The following ADAMDEC1 variants were observed in gnomAD, a reference collection of about 807,000 sequenced individuals.
ADAMDEC1 encodes the protein ADAM like decysin 1.
ADAMDEC1 carries 62 observed loss-of-function variants against 60.4 expected under a neutral mutation model. The observed-to-expected ratio is 1.03, with a 90% CI of 0.84 to 1.27. The LOEUF is 1.27. Among genes scored for constraint, ADAMDEC1 ranks in the 50% most tolerant of loss-of-function variants. The pLI, the probability that ADAMDEC1 is intolerant of heterozygous loss-of-function variation, is 0.00. For missense variants in ADAMDEC1, 595 were observed against 565.0 expected (o/e 1.05, Z -0.54); for synonymous variants, 210 against 195.1 (o/e 1.08, Z -0.64).
intron 1 of ADAMDEC1, among the ~76,000 whole-genome samples, chr8:24,389,133 A>G (rs143674649): frequency 0.012 from 1,795 of 152,298 alleles, 12 homozygotes; most frequent in Non-Finnish European, 0.018. Context: ...ATCCCAGAAC[A>G]GGGATTAATC....
intron 4 of ADAMDEC1, among the ~76,000 whole-genome samples, 179 bp downstream of exon 4, chr8:24,394,326 AC>A (rs1211725413): frequency 6.6e-6 from 1 of 152,218 alleles, no homozygotes; most frequent in East Asian, 1.9e-4. Flanking sequence ...CAATGAGACA[AC>A]AGTTTGGAAA....
rs776221405 is a variant in ADAMDEC1, at chr8:24,398,456, T to C, written c.691-24T>C. On this transcript the variant is annotated intron_variant, in intron 7 of 13. Coordinates refer to ENST00000256412, the MANE Select transcript of ADAMDEC1 (RefSeq NM_014479.3). ...CTCAGTGTAATCTGCTATTTCACTA[T>C]ACTTTGTGTTTTGTATTTTACAGTA... 4.2e-6 allele frequency: 6 copies of C among 1,414,780 alleles called. No individual in the cohort carries two copies. In the Admixed American group the frequency reaches 7.8e-5, roughly 18 times the overall value. 87.6% of individuals were successfully genotyped at this position (1,414,780 alleles called of 1,614,324 possible). A position where few individuals can be genotyped will look rare whatever the true frequency, so the allele number is the denominator to read the frequency against.
At chr8:24,395,088 C>A (rs183637976) in intron 4 of ADAMDEC1, among the ~76,000 whole-genome samples, 53 of 152,300 alleles carry the variant, frequency 3.5e-4, no homozygotes, top group Admixed American at 1.4e-3. Flanking sequence ...TGTGGGCCAA[C>A]AATCATGTCT....
At chr8:24,402,254 G>A (rs574232037) in intron 12 of ADAMDEC1, among the ~76,000 whole-genome samples, 162 bp downstream of exon 12, 1 of 152,236 alleles carries the variant, frequency 6.6e-6, no homozygotes, top group South Asian at 2.1e-4. Context: ...CCTTTGAAAG[G>A]CATTTCAAAA....
chr8:24,399,248 A>G, intron 9 of ADAMDEC1, 145 bp from the exon 10 acceptor site: 1 of 1,007,220 alleles, frequency 9.9e-7, no homozygotes, highest in Non-Finnish European at 1.5e-6. Context: ...CTGTGGTCAT[A>G]ACACTAAGGA....
chr8:24,390,043 A>G (rs4872231), intron 1 of ADAMDEC1: 162,676 of 399,526 alleles, frequency 0.41, 34,469 homozygotes, highest in Admixed American at 0.46. Context: ...ATAAACATAC[A>G]TAATATAATA....
chr8:24,393,692 G>C (rs1817508308), intron 3 of ADAMDEC1, among the ~76,000 whole-genome samples: 1 of 152,104 alleles, frequency 6.6e-6, no homozygotes, highest in African/African-American at 2.4e-5. Flanking sequence ...AGGGGATGGG[G>C]TTCCTCCTAG....
intron 4 of ADAMDEC1, among the ~76,000 whole-genome samples, chr8:24,394,464 C>T (rs1412954282): frequency 6.6e-6 from 1 of 152,140 alleles, no homozygotes; most frequent in Admixed American, 6.6e-5. Context: ...CTTCTCTATA[C>T]GTACTTAAAA....
intron 11 of ADAMDEC1, 28 bp downstream of exon 11, chr8:24,400,328 G>C (rs902241865): frequency 1.3e-6 from 2 of 1,569,632 alleles, no homozygotes; most frequent in Non-Finnish European, 1.7e-6. Flanking sequence ...TAAAAGGAGA[G>C]AGATATTTTC....
chr8:24,390,785 TA>T (rs879799050), intron 1 of ADAMDEC1, among the ~76,000 whole-genome samples: 69 of 151,898 alleles, frequency 4.5e-4, no homozygotes, highest in Middle Eastern at 3.4e-3. Flanking sequence ...GATTTGGTTT[TA>T]TTTTTTTTTT....
intron 1 of ADAMDEC1, chr8:24,387,263 T>G (rs1397484672): frequency 6.6e-6 from 1 of 152,142 alleles, no homozygotes; most frequent in Non-Finnish European, 1.5e-5. Context: ...TCCCTTGTAT[T>G]TTTTCCAATA....
chr8:24,392,309 TG>T lies in ADAMDEC1; in HGVS notation c.137del (p.Cys46PhefsTer35). 2 of 1,611,614 alleles carry T rather than the reference TG, an allele frequency of 1.2e-6. No homozygotes were observed. Among genetic ancestry groups the T allele is most frequent in the Admixed American group, 3.4e-5 (2 of 59,690 alleles). Reference sequence around the variant, plus strand: ...TGAATTAACGCTCCATGAAATAGTTTGTCCTAAAAAACTTCACATTTTACAC... The same window carrying T: ...TGAATTAACGCTCCATGAAATAGTTTTCCTAAAAAACTTCACATTTTACAC... ...TPELTLHEIV[C>X]PKKLHILHKR... On this transcript the variant is annotated frameshift_variant, in exon 2 of 14. Coordinates refer to ENST00000256412, the MANE Select transcript of ADAMDEC1 (RefSeq NM_014479.3). LOFTEE classifies it high-confidence loss of function.
intron 3 of ADAMDEC1, 23 bp downstream of exon 3, chr8:24,393,361 C>A (rs768508586): frequency 2.7e-6 from 4 of 1,484,266 alleles, no homozygotes; most frequent in Non-Finnish European, 9.3e-7. Flanking sequence ...TCCTAAAAGT[C>A]TAATCACTGG....
intron 11 of ADAMDEC1, among the ~76,000 whole-genome samples, chr8:24,401,563 C>G (rs538876167): frequency 6.6e-6 from 1 of 152,276 alleles, no homozygotes; most frequent in East Asian, 1.9e-4. Flanking sequence ...TTATTATTAT[C>G]TCTTGCCCCT....
chr8:24,393,169 A>G, intron 2 of ADAMDEC1, 93 bp from the exon 3 acceptor site: 1 of 724,290 alleles, frequency 1.4e-6, no homozygotes, highest in Non-Finnish European at 2.1e-6. Context: ...TCCTATATGC[A>G]TTTGTAATTG....
At chr8:24,390,042 C>A in intron 1 of ADAMDEC1, 1 of 398,716 alleles carries the variant, frequency 2.5e-6, no homozygotes, top group Non-Finnish European at 5.1e-6. Context: ...TATAAACATA[C>A]ATAATATAAT....
At position 24,399,286 on chromosome 8, in the gene ADAMDEC1, A is replaced by T. The variant is rs1817698802; in HGVS notation, c.930-107A>T. On this transcript the variant is annotated intron_variant, in intron 9 of 13. Transcript: ENST00000256412. ...AGTAGAAGTTTTTTGGGGCCTAGTG[A>T]ATATAAAAAGGCTAGGGCAGCGAGG... 2.4e-6 allele frequency: 3 copies of T among 1,228,568 alleles called. No individual in the cohort carries two copies. The South Asian group carries it at 3.7e-5, about 15-fold the overall frequency. 76.1% of individuals were successfully genotyped at this position (1,228,568 alleles called of 1,614,324 possible). A position where few individuals can be genotyped will look rare whatever the true frequency, so the allele number is the denominator to read the frequency against.
chr8:24,399,093 G>T, intron 9 of ADAMDEC1, 53 bp downstream of exon 9: 1 of 1,558,770 alleles, frequency 6.4e-7, no homozygotes, highest in South Asian at 1.2e-5. Context: ...CTATCCCCAG[G>T]GTTCCTTAGC....
At position 24,388,713 on chromosome 8, in the gene ADAMDEC1, A is replaced by G. The variant is rs73673454; in HGVS notation, c.89-3549A>G. ...TACCATCCACAAGAGGACAACTCCC[A>G]TCTTTTTGCTTCCACACTAAAATGT... On this transcript the variant is annotated intron_variant, in intron 1 of 13. Transcript: ENST00000256412. 5.1e-3 allele frequency among the ~76,000 whole-genome samples: 776 copies of G among 152,256 alleles called. 5 individuals are homozygous for G. Among genetic ancestry groups the G allele is most frequent in the African/African-American group, 0.018 (742 of 41,558 alleles).
Sources: gnomAD v4.1 joint callset for allele counts (sites outside exome capture counted in the v4.1 genomes callset) on GRCh38, gnomAD v4.1.1 for gene constraint, MANE v1.5 for transcripts, NCBI Gene and HGNC (gene_info 2026-07-23, HGNC 2026-07-21) for gene names.